The following ARFGEF2 variants were observed in gnomAD, a reference collection of about 807,000 sequenced individuals.
ARFGEF2 encodes the protein brefeldin A-inhibited guanine nucleotide-exchange protein 2.
Under a neutral mutation model 219.9 loss-of-function variants are expected in ARFGEF2, and 74 were observed. The ratio of observed to expected loss-of-function variants is 0.34; its 90% CI spans 0.28 to 0.41. The LOEUF is 0.41. Ranked by LOEUF, ARFGEF2 falls within the 10% of genes least tolerant of loss-of-function variation. The probability of loss-of-function intolerance (pLI) is 1.00; values close to 1 mark genes in which losing one functional copy is unlikely to be tolerated. For missense variants in ARFGEF2, 1,743 were observed against 2,218.3 expected, an observed-to-expected ratio of 0.79 and a Z score of 4.30; for synonymous variants, 733 against 799.2, an observed-to-expected ratio of 0.92 and a Z score of 1.40.
At chr20:49,032,010 C>A in intron 37 of ARFGEF2, 39 bp from the exon 38 acceptor site, 1 of 1,319,036 alleles carries the variant, frequency 7.6e-7, no homozygotes, top group South Asian at 1.2e-5. Context: ...AGATGTTAAT[C>A]AATTGTTTGA....
intron 36 of ARFGEF2, 64 bp from the exon 37 acceptor site, chr20:49,028,466 T>TG (rs34155874): frequency 1.4e-6 from 2 of 1,422,668 alleles, no homozygotes; most frequent in Non-Finnish European, 1.9e-6. Flanking sequence ...AGATTTCTAG[T>TG]CATACACAGT....
Position 48,997,794 on chromosome 20 carries a change from A to C in ARFGEF2, c.3222-399A>C, listed in dbSNP as rs1204756670. Among the ~76,000 whole-genome samples the C allele has an allele frequency of 5.3e-5, 8 of 152,302 alleles. No homozygotes were observed. The East Asian group carries it at 5.8e-4, about 11-fold the overall frequency. On this transcript the variant is annotated intron_variant, in intron 23 of 38. Coordinates refer to ENST00000371917, the MANE Select transcript of ARFGEF2 (RefSeq NM_006420.3). ...GAAAAAACCTGTGTGACCAGAGATCATCTGGCTTTTATGCCCAGTACTAAG... is the reference window on the plus strand; with the variant it reads ...GAAAAAACCTGTGTGACCAGAGATCCTCTGGCTTTTATGCCCAGTACTAAG...
At chr20:48,959,425 CT>C (rs2091126361) in intron 6 of ARFGEF2, among the ~76,000 whole-genome samples, 1 of 119,268 alleles carries the variant, frequency 8.4e-6, no homozygotes. Flanking sequence ...CCCTCCCTCC[CT>C]TCTTCCTTCC....
chr20:48,970,890 C>G (rs540493115), intron 9 of ARFGEF2, among the ~76,000 whole-genome samples: 1 of 152,262 alleles, frequency 6.6e-6, no homozygotes, highest in South Asian at 2.1e-4. Context: ...GCTGTATTCT[C>G]TACTTTGTGA....
chr20:48,991,709 T>A (rs924388273), intron 21 of ARFGEF2, among the ~76,000 whole-genome samples: 5 of 152,212 alleles, frequency 3.3e-5, no homozygotes, highest in Admixed American at 1.3e-4. Flanking sequence ...CAGTTTTAGT[T>A]GTTCTAGGGA....
chr20:49,030,033 G>A (rs2091624701), intron 37 of ARFGEF2, among the ~76,000 whole-genome samples: 2 of 149,340 alleles, frequency 1.3e-5, no homozygotes, highest in African/African-American at 2.5e-5. Context: ...TCAGCCTCCC[G>A]AGTAGCTGGG....
intron 6 of ARFGEF2, among the ~76,000 whole-genome samples, chr20:48,962,043 G>A (rs1330505969): frequency 2.0e-5 from 3 of 151,274 alleles, no homozygotes; most frequent in Non-Finnish European, 2.9e-5. Flanking sequence ...AGCTGGGCGT[G>A]GTGGCTCATG....
At chr20:49,001,470 A>G (rs1037646594) in intron 25 of ARFGEF2, among the ~76,000 whole-genome samples, 12 of 152,310 alleles carry the variant, frequency 7.9e-5, no homozygotes, top group South Asian at 2.1e-4. Context: ...CTTAGCCCTC[A>G]GGTTGCTGGC....
In ARFGEF2 at chr20:48,949,731, CA is replaced by C. The variant is rs1353747952; in HGVS notation, c.277-1591del. ...TTTGCAGAGCGGCCAGTCTTCCTCC[CA>C]CAGTGGTGGCTGCTCTATAGATAAC... On this transcript the variant is annotated intron_variant, in intron 3 of 38. Transcript: ENST00000371917. Among the ~76,000 whole-genome samples, 4 of 152,094 alleles carry C rather than the reference CA, an allele frequency of 2.6e-5. No homozygotes were observed. In the East Asian group the frequency reaches 7.7e-4, roughly 29 times the overall value.
At chr20:48,997,931 T>C (rs1027310764) in intron 23 of ARFGEF2, among the ~76,000 whole-genome samples, 2 of 152,104 alleles carry the variant, frequency 1.3e-5, no homozygotes, top group African/African-American at 2.4e-5. Context: ...AATCTCGGCT[T>C]ACTGCAACTT....
intron 1 of ARFGEF2, among the ~76,000 whole-genome samples, chr20:48,930,201 A>G (rs2090904368): frequency 6.6e-6 from 1 of 152,222 alleles, no homozygotes; most frequent in African/African-American, 2.4e-5. Context: ...GAGAGAGGAA[A>G]TGGGGGTTGA....
intron 3 of ARFGEF2, among the ~76,000 whole-genome samples, chr20:48,946,595 G>C (rs2091029448): frequency 6.6e-6 from 1 of 151,382 alleles, no homozygotes; most frequent in Non-Finnish European, 1.5e-5. Context: ...GCGTGATCAG[G>C]CTTCCGAAAA....
chr20:49,025,941 C>T (rs1203697576), intron 36 of ARFGEF2, among the ~76,000 whole-genome samples: 1 of 150,190 alleles, frequency 6.7e-6, no homozygotes. Flanking sequence ...GAGATTGCGC[C>T]ACTGCACTCC....
intron 21 of ARFGEF2, among the ~76,000 whole-genome samples, chr20:48,993,230 A>G (rs2091367212): frequency 1.3e-5 from 2 of 152,206 alleles, no homozygotes; most frequent in African/African-American, 4.8e-5. Flanking sequence ...GGCAGAATCT[A>G]GAAATGTTAA....
rs1352112092 is a variant in ARFGEF2 at position 49,036,045 on chromosome 20, A to G, written c.*2846A>G. The G allele has an allele frequency of 2.5e-6, 1 of 397,156 alleles. No homozygotes were observed. Among genetic ancestry groups the G allele is most frequent in the Non-Finnish European group, 4.4e-6 (1 of 225,636 alleles). 24.6% of individuals were successfully genotyped at this position (397,156 alleles called of 1,614,324 possible). On this transcript the variant is annotated 3_prime_UTR_variant, in exon 39 of 39. Transcript: ENST00000371917. ...GTTGTTCTTTTGTGATTAAGGATAT[A>G]CATTTAGTAGTCTTTGTTATTAAAG... is the stretch of plus-strand genomic sequence containing the variant.
chr20:48,953,308 T>C (rs2091083258), intron 5 of ARFGEF2, among the ~76,000 whole-genome samples: 1 of 151,956 alleles, frequency 6.6e-6, no homozygotes. Context: ...CCCAAGTAGC[T>C]GGGACTACAG....
At chr20:48,974,225 A>G (rs2123423811) in intron 12 of ARFGEF2, among the ~76,000 whole-genome samples, 1 of 142,070 alleles carries the variant, frequency 7.0e-6, no homozygotes, top group East Asian at 2.1e-4. Flanking sequence ...TCCCAGGTTC[A>G]AGTGATTCTC....
Position 48,921,770 on chromosome 20 carries a change from G to C in ARFGEF2, c.-120G>C. 1 of 1,084,520 alleles carries C rather than the reference G, an allele frequency of 9.2e-7. No individual in the cohort carries two copies. Among genetic ancestry groups the C allele is most frequent in the Admixed American group, 4.9e-5 (1 of 20,234 alleles). The allele number at this position is 1,084,520 out of a possible 1,614,324, so 67.2% of individuals were successfully genotyped here. On this transcript the variant is annotated 5_prime_UTR_variant, in exon 1 of 39. An upstream open reading frame in the 5' UTR loses its in-frame stop. Coordinates refer to ENST00000371917, the MANE Select transcript of ARFGEF2 (RefSeq NM_006420.3). Reference sequence around the variant, plus strand: ...CCGTGGGGCCGAGGTGTCGCTTCCTGACGGGGCGGCGCGGACGGACGCGGC... The same window carrying C: ...CCGTGGGGCCGAGGTGTCGCTTCCTCACGGGGCGGCGCGGACGGACGCGGC...
At chr20:48,928,441 G>A (rs1432543256) in intron 1 of ARFGEF2, among the ~76,000 whole-genome samples, 9 of 145,168 alleles carry the variant, frequency 6.2e-5, no homozygotes, top group Admixed American at 2.8e-4. Context: ...CTCGTGATCC[G>A]CCCGCCTCGG....
Sources: allele counts gnomAD v4.1 joint callset (sites outside exome capture counted in the v4.1 genomes callset), GRCh38; gene constraint gnomAD v4.1.1; transcripts MANE v1.5; gene names NCBI Gene and HGNC (gene_info 2026-07-23, HGNC 2026-07-21).